ENOX1: variants seen among roughly 807,000 people sequenced by gnomAD.
ENOX1 encodes the protein candidate growth-related and time keeping constitutive hydroquinone (NADH) oxidase.
Under a neutral mutation model 82.5 loss-of-function variants are expected in ENOX1, and 42 were observed. That is an observed-to-expected ratio of 0.51 (90% confidence interval 0.40 to 0.66). ENOX1 has a LOEUF of 0.66. Ranked by LOEUF, ENOX1 falls within the 30% of genes least tolerant of loss-of-function variation. The pLI, the probability that ENOX1 is intolerant of heterozygous loss-of-function variation, is 0.00. For missense variants in ENOX1, 608 were observed against 811.6 expected (o/e 0.75, Z 3.05); for synonymous variants, 271 against 282.2 (o/e 0.96, Z 0.40).
At chr13:43,697,757 A>G (rs1192157986) in intron 1 of ENOX1, among the ~76,000 whole-genome samples, 6 of 152,186 alleles carry the variant, frequency 3.9e-5, no homozygotes, top group Non-Finnish European at 7.4e-5. Context: ...AGGATACAGG[A>G]TGGTCTGAAT....
intron 2 of ENOX1, among the ~76,000 whole-genome samples, chr13:43,532,953 G>A (rs2078294268): frequency 6.6e-6 from 1 of 151,674 alleles, no homozygotes; most frequent in East Asian, 1.9e-4. Flanking sequence ...ATAACCACAT[G>A]AACAAAAGCT....
chr13:43,448,612 C>CT (rs905212807), intron 3 of ENOX1, among the ~76,000 whole-genome samples: 9 of 152,120 alleles, frequency 5.9e-5, no homozygotes, highest in African/African-American at 2.2e-4. Context: ...TAGTACAGTT[C>CT]TTTTTTTTCT....
intron 13 of ENOX1, 134 bp downstream of exon 13, chr13:43,269,336 G>C: frequency 1.5e-6 from 1 of 687,268 alleles, no homozygotes; most frequent in East Asian, 2.6e-5. Context: ...AAAGCTGCTA[G>C]GAAGTTTGAC....
At chr13:43,218,364 C>T (rs771825079) in intron 16 of ENOX1, among the ~76,000 whole-genome samples, 22 of 152,182 alleles carry the variant, frequency 1.4e-4, no homozygotes, top group Non-Finnish European at 2.9e-4. Context: ...TGGTGGCTCA[C>T]ACTTATAATC....
chr13:43,672,470 A>G (rs1287903843), intron 1 of ENOX1, among the ~76,000 whole-genome samples: 2 of 152,196 alleles, frequency 1.3e-5, no homozygotes, highest in African/African-American at 4.8e-5. Context: ...CTTTATGTCC[A>G]TACGAAGGCT....
chr13:43,392,781 T>C (rs2052874326), intron 5 of ENOX1, among the ~76,000 whole-genome samples: 1 of 152,264 alleles, frequency 6.6e-6, no homozygotes, highest in Admixed American at 6.5e-5. Flanking sequence ...TTTGGTTTCA[T>C]GTTTACAAAC....
At chr13:43,559,830 C>A (rs1267891898) in intron 2 of ENOX1, among the ~76,000 whole-genome samples, 4 of 152,080 alleles carry the variant, frequency 2.6e-5, no homozygotes, top group Non-Finnish European at 5.9e-5. Context: ...TTTTGGTGGG[C>A]TAAGTAACTT....
intron 2 of ENOX1, among the ~76,000 whole-genome samples, chr13:43,619,281 G>A (rs1456738937): frequency 6.6e-6 from 1 of 152,042 alleles, no homozygotes; most frequent in Non-Finnish European, 1.5e-5. Context: ...CTATGTTGAA[G>A]AGTGGTGGTG....
intron 2 of ENOX1, among the ~76,000 whole-genome samples, chr13:43,606,836 A>C (rs2081995076): frequency 6.6e-6 from 1 of 151,996 alleles, no homozygotes; most frequent in Non-Finnish European, 1.5e-5. Context: ...GCCACATGGG[A>C]AAACCCCATC....
At chr13:43,549,576 C>T (rs938339739) in intron 2 of ENOX1, among the ~76,000 whole-genome samples, 8 of 152,104 alleles carry the variant, frequency 5.3e-5, no homozygotes, top group African/African-American at 1.7e-4. Flanking sequence ...AAAATAGTTA[C>T]GGCACAAAAA....
intron 5 of ENOX1, among the ~76,000 whole-genome samples, chr13:43,364,066 T>C (rs2050691819): frequency 6.6e-6 from 1 of 152,012 alleles, no homozygotes; most frequent in Non-Finnish European, 1.5e-5. Flanking sequence ...AAGGAAGGAT[T>C]AGACTTTAAG....
At chr13:43,647,668 G>C (rs964029066) in intron 2 of ENOX1, among the ~76,000 whole-genome samples, 1 of 152,164 alleles carries the variant, frequency 6.6e-6, no homozygotes, top group Admixed American at 6.5e-5. Flanking sequence ...ATAAATCCAT[G>C]TGACAGGCAG....
chr13:43,481,466 CA>C (rs2058506487), intron 3 of ENOX1, among the ~76,000 whole-genome samples: 1 of 152,038 alleles, frequency 6.6e-6, no homozygotes, highest in Non-Finnish European at 1.5e-5. Context: ...CCACATGCCA[CA>C]GAATAAAACT....
At chr13:43,242,134 T>G (rs1035786060) in intron 14 of ENOX1, among the ~76,000 whole-genome samples, 3 of 152,214 alleles carry the variant, frequency 2.0e-5, no homozygotes, top group African/African-American at 7.2e-5. Context: ...ACAAATCTAC[T>G]CTGAGATATT....
intron 1 of ENOX1, among the ~76,000 whole-genome samples, chr13:43,676,702 A>T (rs2085529328): frequency 6.6e-6 from 1 of 152,138 alleles, no homozygotes; most frequent in African/African-American, 2.4e-5. Context: ...CAGTGATCAC[A>T]GTTACTGGGG....
intron 3 of ENOX1, among the ~76,000 whole-genome samples, chr13:43,426,495 G>A (rs1323161): frequency 0.38 from 57,919 of 151,622 alleles, 11,749 homozygotes; most frequent in South Asian, 0.47. Flanking sequence ...CTTTTTTTTC[G>A]TTTCTAGTGT....
intron 8 of ENOX1, among the ~76,000 whole-genome samples, chr13:43,354,920 T>C (rs374370443): frequency 3.3e-5 from 5 of 152,338 alleles, no homozygotes; most frequent in East Asian, 1.9e-4. Context: ...ATAAAGACTT[T>C]CTTGACACTT....
intron 3 of ENOX1, among the ~76,000 whole-genome samples, chr13:43,483,385 C>T (rs537701351): frequency 3.3e-5 from 5 of 152,302 alleles, no homozygotes; most frequent in Non-Finnish European, 7.4e-5. Flanking sequence ...AAATGAAATG[C>T]TTGCTCTACT....
At chr13:43,672,924 G>C (rs1446157275) in intron 1 of ENOX1, among the ~76,000 whole-genome samples, 1 of 151,962 alleles carries the variant, frequency 6.6e-6, no homozygotes, top group Admixed American at 6.6e-5. Flanking sequence ...GGCATTGAAG[G>C]ACAGCAAAAA....
Sources: gnomAD v4.1 joint callset for allele counts (sites outside exome capture counted in the v4.1 genomes callset) on GRCh38, gnomAD v4.1.1 for gene constraint, MANE v1.5 for transcripts, NCBI Gene and HGNC (gene_info 2026-07-23, HGNC 2026-07-21) for gene names.